The following SNX7 variants were observed in gnomAD, a reference collection of about 807,000 sequenced individuals.
SNX7 encodes sorting nexin-7.
Under a neutral mutation model 48.4 loss-of-function variants are expected in SNX7, and 35 were observed. The ratio of observed to expected loss-of-function variants is 0.72; its 90% CI spans 0.55 to 0.96. The LOEUF is 0.96. Among genes scored for constraint, SNX7 ranks in the 40% least tolerant of loss-of-function variants. The pLI, the probability that SNX7 is intolerant of heterozygous loss-of-function variation, is 0.00. For synonymous variants in SNX7, 190 were observed against 190.2 expected, an observed-to-expected ratio of 1.00 and a Z score of 0.01; for missense variants, 553 against 548.9, an observed-to-expected ratio of 1.01 and a Z score of -0.07.
chr1:98,732,924 A>G (rs1175915070), intron 7 of SNX7, among the ~76,000 whole-genome samples: 2 of 152,240 alleles, frequency 1.3e-5, no homozygotes, highest in East Asian at 1.9e-4. Context: ...TTCCTTAGAC[A>G]TATTCCTGTA....
intron 7 of SNX7, among the ~76,000 whole-genome samples, chr1:98,723,424 T>C (rs928563809): frequency 6.6e-6 from 1 of 151,850 alleles, no homozygotes; most frequent in South Asian, 2.1e-4. Context: ...TTGGCTTGTA[T>C]TTATCATAAA....
intron 4 of SNX7, among the ~76,000 whole-genome samples, chr1:98,692,799 C>A (rs2100957529): frequency 6.6e-6 from 1 of 152,250 alleles, no homozygotes; most frequent in South Asian, 2.1e-4. Flanking sequence ...ACATTTCTCT[C>A]AACTGCATAT....
At chr1:98,748,101 TAAGTAACC>T (rs1243812531) in intron 8 of SNX7, among the ~76,000 whole-genome samples, 2 of 151,106 alleles carry the variant, frequency 1.3e-5, no homozygotes, top group Non-Finnish European at 3.0e-5. Context: ...CTCAGCCTCC[TAAGTAACC>T]AAGTAGCTGG....
At chr1:98,706,025 T>C (rs1651987132) in intron 7 of SNX7, among the ~76,000 whole-genome samples, 3 of 152,090 alleles carry the variant, frequency 2.0e-5, no homozygotes, top group African/African-American at 7.2e-5. Context: ...AGAAGAAATC[T>C]GGAGGTGTGC....
chr1:98,687,745 G>T (rs2100945933), intron 2 of SNX7, among the ~76,000 whole-genome samples: 1 of 152,196 alleles, frequency 6.6e-6, no homozygotes, highest in Non-Finnish European at 1.5e-5. Flanking sequence ...ATTTATAAAG[G>T]CGGGACATTT....
intron 5 of SNX7, among the ~76,000 whole-genome samples, chr1:98,696,731 T>C (rs1283703381): frequency 7.4e-6 from 1 of 134,908 alleles, no homozygotes; most frequent in Non-Finnish European, 1.7e-5. Context: ...ATTATTTGTC[T>C]TTTTTTTTTA....
chr1:98,664,348 T>G (rs577574105), intron 1 of SNX7, among the ~76,000 whole-genome samples: 1 of 152,182 alleles, frequency 6.6e-6, no homozygotes, highest in South Asian at 2.1e-4. Context: ...GCCAACATAG[T>G]GAAACCCCAT....
chr1:98,727,689 A>G (rs1653260973), intron 7 of SNX7, among the ~76,000 whole-genome samples: 1 of 152,140 alleles, frequency 6.6e-6, no homozygotes, highest in African/African-American at 2.4e-5. Context: ...AGAGAGGAAC[A>G]TAAATGACCT....
intron 8 of SNX7, among the ~76,000 whole-genome samples, chr1:98,746,604 A>G (rs1244525964): frequency 6.6e-6 from 1 of 152,140 alleles, no homozygotes; most frequent in Non-Finnish European, 1.5e-5. Context: ...TGCTCATTAG[A>G]GTGTTCATTT....
intron 7 of SNX7, among the ~76,000 whole-genome samples, chr1:98,727,494 A>C (rs1653246095): frequency 6.6e-6 from 1 of 152,168 alleles, no homozygotes; most frequent in Non-Finnish European, 1.5e-5. Context: ...GCACCTCTCC[A>C]GCAAGGCCAC....
intron 6 of SNX7, among the ~76,000 whole-genome samples, chr1:98,701,124 C>T (rs939403904): frequency 3.9e-4 from 59 of 151,950 alleles, no homozygotes; most frequent in Non-Finnish European, 7.4e-5. Flanking sequence ...AAAAGTTCGG[C>T]AAAAATGAAA....
intron 7 of SNX7, among the ~76,000 whole-genome samples, chr1:98,719,873 A>G (rs200347302): frequency 5.4e-5 from 1 of 18,622 alleles, no homozygotes; most frequent in Admixed American, 4.5e-4. Context: ...ATATATATAA[A>G]ATATATATTT....
At chr1:98,719,423 C>G (rs1341986346) in intron 7 of SNX7, among the ~76,000 whole-genome samples, 1 of 152,020 alleles carries the variant, frequency 6.6e-6, no homozygotes, top group African/African-American at 2.4e-5. Flanking sequence ...AATGGTATCC[C>G]CTTGTAGGTT....
At chr1:98,721,154 T>C (rs1002809889) in intron 7 of SNX7, among the ~76,000 whole-genome samples, 4 of 152,110 alleles carry the variant, frequency 2.6e-5, no homozygotes, top group Non-Finnish European at 4.4e-5. Context: ...TGGTACTTTT[T>C]GAGTACTGAC....
Position 98,727,526 on chromosome 1 carries a change from C to T in SNX7, c.1126-10711C>T, listed in dbSNP as rs557052727. Among the ~76,000 whole-genome samples, 34 of 152,154 alleles carry T rather than the reference C, an allele frequency of 2.2e-4. No homozygotes were observed. In the South Asian group the frequency reaches 4.8e-3, roughly 21 times the overall value. On this transcript the variant is annotated intron_variant, in intron 7 of 8. Transcript: ENST00000306121. The stretch of plus-strand genomic sequence containing the variant: ...CCACAGAACTGGGCTGAGGCTGAGA[C>T]GGATGAACTGACAGAAGTAGACGTT...
chr1:98,688,261 A>G (rs992917150), intron 2 of SNX7, among the ~76,000 whole-genome samples: 1 of 152,222 alleles, frequency 6.6e-6, no homozygotes, highest in African/African-American at 2.4e-5. Context: ...ATACTTAAGA[A>G]TGATCCAACT....
chr1:98,670,037 A>C (rs1293458885), intron 1 of SNX7, among the ~76,000 whole-genome samples: 1 of 152,190 alleles, frequency 6.6e-6, no homozygotes, highest in Admixed American at 6.5e-5. Context: ...TATTACAGCA[A>C]TTTGCTGGTG....
chr1:98,760,046 T>G lies in SNX7; in HGVS notation c.1279-8T>G. 6.4e-7 allele frequency: 1 copy of G among 1,571,700 alleles called. No homozygotes were observed. Among genetic ancestry groups the G allele is most frequent in the Non-Finnish European group, 8.8e-7 (1 of 1,141,706 alleles). ...TTGATTGCCTCATGGTGTGTTTCCA[T>G]TATTCAGTGCCTTGCTACGTGGGAG... On this transcript the variant is annotated splice_polypyrimidine_tract_variant and splice_region_variant and intron_variant, in intron 8 of 8. Transcript: ENST00000306121.
rs140247968 is a variant in SNX7 at position 98,747,125 on chromosome 1, G to T, written c.1278+8736G>T. On this transcript the variant is annotated intron_variant, in intron 8 of 8. Coordinates refer to ENST00000306121, the MANE Select transcript of SNX7 (RefSeq NM_015976.5). ...AAGTAATTATTAAGTAGTTAAGCAGGTTTATTTACTAAAGAAGTTCTCAGA... is the reference window on the plus strand; with the variant it reads ...AAGTAATTATTAAGTAGTTAAGCAGTTTTATTTACTAAAGAAGTTCTCAGA... Among the ~76,000 whole-genome samples the T allele has an allele frequency of 1.1e-4, 17 of 152,178 alleles. No individual in the cohort carries two copies. The East Asian group carries it at 3.3e-3, about 29-fold the overall frequency.
Sources: gnomAD v4.1 joint callset for allele counts (sites outside exome capture counted in the v4.1 genomes callset) on GRCh38, gnomAD v4.1.1 for gene constraint, MANE v1.5 for transcripts, NCBI Gene and HGNC (gene_info 2026-07-23, HGNC 2026-07-21) for gene names.